Variants in LSAMP observed in about 807,000 individuals in gnomAD.
LSAMP encodes the protein limbic system associated membrane protein.
LSAMP carries 7 observed loss-of-function variants against 38.6 expected under a neutral mutation model. The ratio of observed to expected loss-of-function variants is 0.18; its 90% CI spans 0.10 to 0.34. The LOEUF (loss-of-function observed/expected upper bound fraction) is 0.34, where lower values mean the gene tolerates loss of function less well. LSAMP is among the 10% of genes least tolerant of loss of function. LSAMP has a pLI of 1.00. For missense variants in LSAMP, 313 were observed against 420.0 expected, an observed-to-expected ratio of 0.75 and a Z score of 2.23; for synonymous variants, 154 against 166.8, an observed-to-expected ratio of 0.92 and a Z score of 0.59.
chr3:115,815,608 C>T (rs1681051221), intron 6 of LSAMP, among the ~76,000 whole-genome samples: 1 of 152,198 alleles, frequency 6.6e-6, no homozygotes, highest in South Asian at 2.1e-4. Context: ...CTTCTGGTGA[C>T]ACTGGCAGTT....
intron 3 of LSAMP, among the ~76,000 whole-genome samples, chr3:115,934,872 C>T (rs1340739270): frequency 6.6e-6 from 1 of 152,100 alleles, no homozygotes; most frequent in Non-Finnish European, 1.5e-5. Flanking sequence ...TGTATCTTCC[C>T]TTCCTTGCTC....
At chr3:116,412,083 G>A (rs2048988313) in intron 1 of LSAMP, among the ~76,000 whole-genome samples, 1 of 152,024 alleles carries the variant, frequency 6.6e-6, no homozygotes, top group African/African-American at 2.4e-5. Flanking sequence ...ATTATATCAA[G>A]AGAAAGCGGA....
intron 6 of LSAMP, among the ~76,000 whole-genome samples, chr3:115,818,821 T>TATATATATATATATATATATATATAA (rs1172422801): frequency 3.2e-5 from 4 of 124,224 alleles, no homozygotes; most frequent in Non-Finnish European, 6.8e-5. Context: ...TATATATATA[T>TATATATATATATATATATATATATAA]AACTGCAGCA....
intron 1 of LSAMP, among the ~76,000 whole-genome samples, chr3:116,345,420 C>T (rs956876156): frequency 3.9e-5 from 6 of 152,170 alleles, no homozygotes; most frequent in Non-Finnish European, 7.4e-5. Flanking sequence ...AACTAGATAT[C>T]GGCCCTGTAG....
intron 1 of LSAMP, among the ~76,000 whole-genome samples, chr3:116,211,409 T>C (rs572844030): frequency 8.5e-5 from 13 of 152,324 alleles, no homozygotes; most frequent in African/African-American, 2.4e-4. Flanking sequence ...AATTTAGCCA[T>C]TCAAAAATGT....
At chr3:116,367,776 TG>T (rs1317992537) in intron 1 of LSAMP, among the ~76,000 whole-genome samples, 2 of 152,202 alleles carry the variant, frequency 1.3e-5, no homozygotes, top group Admixed American at 6.5e-5. Context: ...CCCAAAGTGC[TG>T]GGATTACAGG....
At chr3:116,085,666 G>A (rs1032263540) in intron 2 of LSAMP, among the ~76,000 whole-genome samples, 5 of 152,166 alleles carry the variant, frequency 3.3e-5, no homozygotes, top group Admixed American at 1.3e-4. Context: ...GGGTATGTGA[G>A]TGCCATTTAA....
Position 116,086,528 on chromosome 3 carries a change from C to T in LSAMP, c.184G>A (p.Val62Met). The change falls in exon 2 of 7, where the codon GTG (valine) becomes ATG (methionine). Residue 62 changes from valine to methionine, a missense_variant. Transcript: ENST00000490035. ...RCVVEDKNSK[V>M]AWLNRSGIIF... ...ATGCCAGAACGGTTCAACCAGGCCACCTTTGAGTTCTTGTCTTCTACAACG... is the reference window on the plus strand; with the variant it reads ...ATGCCAGAACGGTTCAACCAGGCCATCTTTGAGTTCTTGTCTTCTACAACG... 6 of 1,614,128 alleles carry T rather than the reference C, an allele frequency of 3.7e-6. No homozygotes were observed. Among genetic ancestry groups the T allele is most frequent in the African/African-American group, 1.3e-5 (1 of 75,028 alleles).
chr3:116,160,553 C>T (rs886790930), intron 1 of LSAMP, among the ~76,000 whole-genome samples: 1 of 151,904 alleles, frequency 6.6e-6, no homozygotes, highest in South Asian at 2.1e-4. Flanking sequence ...GAAAAGACTG[C>T]CTATTGGATA....
At chr3:116,400,709 C>G (rs2048828685) in intron 1 of LSAMP, among the ~76,000 whole-genome samples, 1 of 152,112 alleles carries the variant, frequency 6.6e-6, no homozygotes, top group African/African-American at 2.4e-5. Flanking sequence ...AACTCCTGAC[C>G]TCAGGTGATC....
chr3:116,445,056 C>A lies in LSAMP; in HGVS notation c.-25G>T, dbSNP rs756468634. ...TGGTGGCCACGCCGAGGTGCGGGTCCGCGGGGTGCTCTGGAGGGGTGCGCG... is the reference window on the plus strand; with the variant it reads ...TGGTGGCCACGCCGAGGTGCGGGTCAGCGGGGTGCTCTGGAGGGGTGCGCG... On this transcript the variant is annotated 5_prime_UTR_variant, in exon 1 of 7. Coordinates refer to ENST00000490035, the MANE Select transcript of LSAMP (RefSeq NM_002338.5). 3 of 1,600,550 alleles carry A rather than the reference C, an allele frequency of 1.9e-6. No homozygotes were observed. Among genetic ancestry groups the A allele is most frequent in the Non-Finnish European group, 2.6e-6 (3 of 1,172,182 alleles).
At position 116,144,026 on chromosome 3, in the gene LSAMP, C is replaced by T. The variant is rs142571763; in HGVS notation, c.156-57470G>A. On this transcript the variant is annotated intron_variant, in intron 1 of 6. Coordinates refer to ENST00000490035, the MANE Select transcript of LSAMP (RefSeq NM_002338.5). ...TTTTTGATGATAAATTTTGCTCTGA[C>T]GAATTCTATATTTAAACTGTGTTTT... Among the ~76,000 whole-genome samples the T allele has an allele frequency of 3.6e-3, 548 of 151,986 alleles. 1 individual carries two copies. Among genetic ancestry groups the T allele is most frequent in the Middle Eastern group, 0.014 (4 of 294 alleles).
intron 1 of LSAMP, among the ~76,000 whole-genome samples, chr3:116,194,518 C>T (rs1207090648): frequency 6.6e-6 from 1 of 152,166 alleles, no homozygotes; most frequent in Non-Finnish European, 1.5e-5. Context: ...CCTCAGCCTC[C>T]CGAGTAGCTG....
At chr3:116,086,772 A>G (rs897416060) in intron 1 of LSAMP, among the ~76,000 whole-genome samples, 1 of 152,218 alleles carries the variant, frequency 6.6e-6, no homozygotes, top group Admixed American at 6.5e-5. Flanking sequence ...GACTCAGTTC[A>G]GCAATAAACA....
At chr3:115,895,991 C>T (rs916353924) in intron 3 of LSAMP, among the ~76,000 whole-genome samples, 29 of 152,032 alleles carry the variant, frequency 1.9e-4, no homozygotes, top group Non-Finnish European at 3.8e-4. Context: ...ACATTGATAC[C>T]ATTAAAATTA....
chr3:116,384,193 A>G lies in LSAMP; in HGVS notation c.155+60684T>C, dbSNP rs1049567879. On this transcript the variant is annotated intron_variant, in intron 1 of 6. Coordinates refer to ENST00000490035, the MANE Select transcript of LSAMP (RefSeq NM_002338.5). ...GCAATTTAGAAAAAAATACCACACC[A>G]GTATCCTCCACAATTTATCTGATTA... Among the ~76,000 whole-genome samples the G allele has an allele frequency of 2.0e-5, 3 of 152,080 alleles. No homozygotes were observed. The East Asian group carries it at 5.8e-4, about 29-fold the overall frequency.
intron 3 of LSAMP, among the ~76,000 whole-genome samples, chr3:115,969,102 C>T (rs1938924426): frequency 6.6e-6 from 1 of 152,184 alleles, no homozygotes; most frequent in Admixed American, 6.5e-5. Flanking sequence ...TTCCTACCCG[C>T]TTCAGTGCCT....
At chr3:116,239,209 AG>A (rs2046501470) in intron 1 of LSAMP, among the ~76,000 whole-genome samples, 1 of 152,148 alleles carries the variant, frequency 6.6e-6, no homozygotes, top group Non-Finnish European at 1.5e-5. Context: ...AGTAGAGTAA[AG>A]GGGATGACTT....
chr3:116,333,556 T>C (rs937174857), intron 1 of LSAMP, among the ~76,000 whole-genome samples: 4 of 147,190 alleles, frequency 2.7e-5, no homozygotes, highest in Non-Finnish European at 6.0e-5. Flanking sequence ...AAAAAAGATA[T>C]CATACAAGTA....
Sources: allele counts gnomAD v4.1 joint callset (sites outside exome capture counted in the v4.1 genomes callset), GRCh38; gene constraint gnomAD v4.1.1; transcripts MANE v1.5; gene names NCBI Gene and HGNC (gene_info 2026-07-23, HGNC 2026-07-21).